The following IGSF10 variants were observed in gnomAD, a reference collection of about 807,000 sequenced individuals.
IGSF10 encodes calvaria mechanical force protein 608.
Under a neutral mutation model 128.2 loss-of-function variants are expected in IGSF10, and 126 were observed. The ratio of observed to expected loss-of-function variants is 0.98; its 90% confidence interval spans 0.85 to 1.14. IGSF10 has a LOEUF of 1.14. Among genes scored for constraint, IGSF10 ranks in the 50% most tolerant of loss-of-function variants. IGSF10 has a pLI of 0.00. For synonymous variants in IGSF10, 1,185 were observed against 1,146.2 expected (o/e 1.03, Z -0.68); for missense variants, 3,295 against 3,149.8 (o/e 1.05, Z -1.10).
At chr3:151,523,425 G>T in the IGSF10 span, among the ~76,000 whole-genome samples, 1 of 152,010 alleles carries the variant, frequency 6.6e-6, no homozygotes, top group African/African-American at 2.4e-5. Flanking sequence ...CTGTACTGCA[G>T]GGCTACAGTA....
the IGSF10 span, among the ~76,000 whole-genome samples, chr3:151,588,691 G>T: frequency 6.6e-6 from 1 of 152,166 alleles, no homozygotes; most frequent in Non-Finnish European, 1.5e-5. Context: ...CCCTGTTCCA[G>T]CAAGGAATGT....
chr3:151,563,280 G>A, the IGSF10 span, among the ~76,000 whole-genome samples: 8 of 152,162 alleles, frequency 5.3e-5, no homozygotes, highest in South Asian at 2.1e-4. Flanking sequence ...GCTAAGGCCC[G>A]TACCTCTGCA....
At chr3:151,476,443 A>AGGG in the IGSF10 span, among the ~76,000 whole-genome samples, 1 of 152,112 alleles carries the variant, frequency 6.6e-6, no homozygotes, top group African/African-American at 2.4e-5. Flanking sequence ...GTCTCCTATA[A>AGGG]ACAGGAAGCA....
At chr3:151,513,006 T>C in the IGSF10 span, among the ~76,000 whole-genome samples, 155 of 152,252 alleles carry the variant, frequency 1.0e-3, no homozygotes, top group Middle Eastern at 6.8e-3. Flanking sequence ...CAGGACCAGA[T>C]GGATTAACAG....
chr3:151,473,945 G>C, the IGSF10 span, among the ~76,000 whole-genome samples: 1 of 151,768 alleles, frequency 6.6e-6, no homozygotes, highest in Middle Eastern at 3.2e-3. Context: ...GGATAAGCTA[G>C]TTTCCACTGA....
chr3:151,510,420 G>A, the IGSF10 span, among the ~76,000 whole-genome samples: 1 of 152,136 alleles, frequency 6.6e-6, no homozygotes, highest in African/African-American at 2.4e-5. Context: ...ACTGGTAGAA[G>A]GAAAACTAAC....
At chr3:151,517,497 C>G in the IGSF10 span, among the ~76,000 whole-genome samples, 1 of 151,926 alleles carries the variant, frequency 6.6e-6, no homozygotes, top group Non-Finnish European at 1.5e-5. Context: ...TGCATGCAGT[C>G]ATCTTAGAAT....
chr3:151,590,551 C>T, the IGSF10 span, among the ~76,000 whole-genome samples: 1 of 151,886 alleles, frequency 6.6e-6, no homozygotes. Flanking sequence ...ACAATAATAC[C>T]TCAAGTAAAA....
chr3:151,569,018 C>T, the IGSF10 span, among the ~76,000 whole-genome samples: 1 of 152,202 alleles, frequency 6.6e-6, no homozygotes, highest in East Asian at 1.9e-4. Context: ...AACCTAGCAA[C>T]TGCTGCTAGT....
chr3:151,547,631 T>G, the IGSF10 span, among the ~76,000 whole-genome samples: 1 of 152,260 alleles, frequency 6.6e-6, no homozygotes, highest in Admixed American at 6.5e-5. Context: ...TTCAGAGATG[T>G]TCTTTGCCTC....
the IGSF10 span, among the ~76,000 whole-genome samples, chr3:151,529,792 C>T: frequency 2.6e-5 from 4 of 152,020 alleles, no homozygotes; most frequent in Non-Finnish European, 4.4e-5. Context: ...AAAACTAGAA[C>T]ACCTCTTCTC....
At chr3:151,491,156 T>C in the IGSF10 span, among the ~76,000 whole-genome samples, 1 of 151,756 alleles carries the variant, frequency 6.6e-6, no homozygotes, top group African/African-American at 2.4e-5. Flanking sequence ...GAAAATGAAA[T>C]TGAAGAAATT....
chr3:151,582,196 A>G, the IGSF10 span, among the ~76,000 whole-genome samples: 6 of 151,234 alleles, frequency 4.0e-5, no homozygotes, highest in Non-Finnish European at 7.4e-5. Context: ...CCGGTTTTCC[A>G]TAACAGATAT....
the IGSF10 span, among the ~76,000 whole-genome samples, chr3:151,606,093 G>A: frequency 1.3e-5 from 2 of 152,142 alleles, no homozygotes; most frequent in South Asian, 2.1e-4. Context: ...AAGAGAGGGT[G>A]GGCTCCTTAT....
chr3:151,580,384 A>G, the IGSF10 span, among the ~76,000 whole-genome samples: 1 of 152,236 alleles, frequency 6.6e-6, no homozygotes, highest in East Asian at 1.9e-4. Context: ...GGATCTACAC[A>G]CAGAAAGAAA....
chr3:151,458,734 G>A, intron 2 of IGSF10, 24 bp from the exon 3 acceptor site: 2 of 1,592,546 alleles, frequency 1.3e-6, no homozygotes, highest in South Asian at 2.3e-5. Context: ...ATACCTCAGA[G>A]TTATAAAGAG....
At chr3:151,594,365 G>T in the IGSF10 span, among the ~76,000 whole-genome samples, 2 of 126,442 alleles carry the variant, frequency 1.6e-5, no homozygotes, top group Non-Finnish European at 3.2e-5. Context: ...ACGGAGTCTT[G>T]CTCTGTCGCC....
the IGSF10 span, among the ~76,000 whole-genome samples, chr3:151,542,715 G>A: frequency 6.6e-6 from 1 of 152,158 alleles, no homozygotes; most frequent in African/African-American, 2.4e-5. Context: ...TATAGTTTCT[G>A]ATTTGGGTTC....
chr3:151,558,082 T>C, the IGSF10 span, among the ~76,000 whole-genome samples: 1 of 121,898 alleles, frequency 8.2e-6, no homozygotes, highest in Non-Finnish European at 1.8e-5. Context: ...TGGAGAATTC[T>C]AGTGGATAGA....
Sources: gnomAD v4.1 joint callset for allele counts (sites outside exome capture counted in the v4.1 genomes callset) on GRCh38, gnomAD v4.1.1 for gene constraint, MANE v1.5 for transcripts, NCBI Gene and HGNC (gene_info 2026-07-23, HGNC 2026-07-21) for gene names.